The following MGST1 variants were observed in gnomAD, a reference collection of about 807,000 sequenced individuals.
MGST1 encodes glutathione S-transferase 12.
MGST1 carries 5 observed loss-of-function variants against 8.9 expected under a neutral mutation model. That is an observed-to-expected ratio of 0.56 (90% confidence interval 0.29 to 1.19). The LOEUF is 1.19. MGST1 is among the 50% of genes most tolerant of loss of function. The pLI is 0.08. For missense variants in MGST1, 182 were observed against 187.4 expected, an observed-to-expected ratio of 0.97 and a Z score of 0.17; for synonymous variants, 54 against 67.8, an observed-to-expected ratio of 0.80 and a Z score of 1.00.
At chr12:16,422,260 CATCT>C (rs1057370408) in intron 1 of MGST1, among the ~76,000 whole-genome samples, 13 of 152,210 alleles carry the variant, frequency 8.5e-5, no homozygotes, top group African/African-American at 3.1e-4. Flanking sequence ...TGAATCTATC[CATCT>C]ATCTATATAT....
intron 1 of MGST1, among the ~76,000 whole-genome samples, chr12:16,386,210 C>T (rs879505620): frequency 2.6e-5 from 4 of 152,264 alleles, no homozygotes; most frequent in South Asian, 2.1e-4. Context: ...TGGAGAAGAT[C>T]GGTGATTTCC....
intron 4 of MGST1, among the ~76,000 whole-genome samples, chr12:16,476,891 C>A (rs907995100): frequency 6.6e-6 from 1 of 152,102 alleles, no homozygotes; most frequent in African/African-American, 2.4e-5. Context: ...AAATAAAGTC[C>A]TTGGAAAGAG....
chr12:16,523,056 A>AAAACAATAGACCTGAAAC (rs1941658990), intron 4 of MGST1, among the ~76,000 whole-genome samples: 3 of 152,058 alleles, frequency 2.0e-5, no homozygotes, highest in Admixed American at 2.0e-4. Flanking sequence ...ACATATTTGC[A>AAAACAATAGACCTGAAAC]AATAGACCTG....
intron 4 of MGST1, among the ~76,000 whole-genome samples, chr12:16,509,442 A>C (rs1941561992): frequency 6.6e-6 from 1 of 152,224 alleles, no homozygotes; most frequent in Admixed American, 6.5e-5. Context: ...GCATAGTCTT[A>C]GACATTCAGC....
chr12:16,519,176 G>T (rs7305679), intron 4 of MGST1, among the ~76,000 whole-genome samples: 24,510 of 152,110 alleles, frequency 0.16, 2,123 homozygotes, highest in East Asian at 0.28. Flanking sequence ...CATCTGTAAA[G>T]CAGAACTGGT....
chr12:16,471,072 C>A (rs966178253), intron 4 of MGST1, among the ~76,000 whole-genome samples: 3 of 152,142 alleles, frequency 2.0e-5, no homozygotes, highest in Admixed American at 1.3e-4. Flanking sequence ...TGATACTTTT[C>A]CCTGCTGCAT....
chr12:16,525,604 A>G (rs1298894342), intron 4 of MGST1, among the ~76,000 whole-genome samples: 1 of 144,202 alleles, frequency 6.9e-6, no homozygotes, highest in Non-Finnish European at 1.5e-5. Context: ...CAATAAACAT[A>G]CGTGTGCATG....
intron 1 of MGST1, among the ~76,000 whole-genome samples, chr12:16,419,838 G>A (rs996647112): frequency 1.3e-5 from 2 of 152,058 alleles, no homozygotes; most frequent in African/African-American, 4.8e-5. Flanking sequence ...CAGAGAATCC[G>A]CCTAGCTGAT....
chr12:16,394,859 A>G (rs2033974993), intron 1 of MGST1, among the ~76,000 whole-genome samples: 1 of 152,092 alleles, frequency 6.6e-6, no homozygotes. Context: ...GGCCTCCCAC[A>G]GTGCTGGGAT....
chr12:16,388,019 A>G (rs1940520140), intron 1 of MGST1, among the ~76,000 whole-genome samples: 1 of 152,032 alleles, frequency 6.6e-6, no homozygotes, highest in Non-Finnish European at 1.5e-5. Flanking sequence ...ACACACCATG[A>G]TGTTTTCACA....
At chr12:16,461,361 C>T (rs1941220031) in intron 4 of MGST1, among the ~76,000 whole-genome samples, 1 of 152,078 alleles carries the variant, frequency 6.6e-6, no homozygotes, top group Non-Finnish European at 1.5e-5. Flanking sequence ...TACTTAACTT[C>T]TAGATCTTGT....
At position 16,364,280 on chromosome 12, in the gene MGST1, T is replaced by G; in HGVS notation, c.*239T>G. The G allele has an allele frequency of 8.4e-7, 1 of 1,186,128 alleles. No individual in the cohort carries two copies. Among genetic ancestry groups the G allele is most frequent in the Non-Finnish European group, 1.0e-6 (1 of 955,276 alleles). The allele number at this position is 1,186,128 out of a possible 1,614,324, so 73.5% of individuals were successfully genotyped here. A position where few individuals can be genotyped will look rare whatever the true frequency, so the allele number is the denominator to read the frequency against. ...GATTTTTAAAGTACTTTCTTATAAA[T>G]TTGGATCATGTTATGATTTGTAACA... On this transcript the variant is annotated 3_prime_UTR_variant, in exon 4 of 4. Coordinates refer to ENST00000396210, the MANE Select transcript of MGST1 (RefSeq NM_020300.5). The surrounding 1 kb of genome is among the most constrained non-coding windows in gnomAD (Gnocchi z 5.7).
Position 16,533,082 on chromosome 12 carries a change from G to A in MGST1, n.483-56446G>A, listed in dbSNP as rs1024846. Among the ~76,000 whole-genome samples the A allele has an allele frequency of 6.0e-3, 919 of 152,214 alleles. 7 individuals are homozygous for A. Among genetic ancestry groups the A allele is most frequent in the South Asian group, 0.021 (101 of 4,820 alleles). On this transcript the variant is annotated intron_variant and non_coding_transcript_variant, in intron 4 of 4. Transcript: ENST00000538857. The stretch of plus-strand genomic sequence containing the variant: ...CACTTTAAACCAAAGCTGTTGAGTT[G>A]AGCTGACTATACTTTCTTAACTAGT...
At chr12:16,519,204 C>T (rs1450821198) in intron 4 of MGST1, among the ~76,000 whole-genome samples, 1 of 152,146 alleles carries the variant, frequency 6.6e-6, no homozygotes, top group East Asian at 1.9e-4. Context: ...TCCAGAGCTG[C>T]CGTGAAGCAT....
At chr12:16,441,163 G>T (rs1374440383), downstream of MGST1, among the ~76,000 whole-genome samples, 94 of 151,580 alleles carry the variant, frequency 6.2e-4, 1 homozygote. Flanking sequence ...TTTCTTTCTT[G>T]TTTAAAATTT....
intron 1 of MGST1, among the ~76,000 whole-genome samples, chr12:16,422,523 G>A (rs1252235344): frequency 2.6e-5 from 4 of 152,154 alleles, no homozygotes; most frequent in Non-Finnish European, 5.9e-5. Flanking sequence ...GGAGTGAGAT[G>A]AGGTGCAATT....
intron 3 of MGST1, among the ~76,000 whole-genome samples, chr12:16,372,731 C>T (rs1309712157): frequency 6.6e-6 from 1 of 151,572 alleles, no homozygotes; most frequent in Non-Finnish European, 1.5e-5. Flanking sequence ...TGTACTCTCA[C>T]GTGTATTACA....
Position 16,546,762 on chromosome 12 carries a change from G to A in MGST1, n.483-42766G>A, listed in dbSNP as rs992979978. On this transcript the variant is annotated intron_variant and non_coding_transcript_variant, in intron 4 of 4. Transcript: ENST00000538857. This position sits in a 1 kb window ranked among gnomAD's most constrained non-coding sequence, Gnocchi z 4.7. ...AGATAGTTGGGAAAGTTTAGTTGGT[G>A]ACTTTTTATGTCAGGTTTGGTATTT... is the stretch of plus-strand genomic sequence containing the variant. Among the ~76,000 whole-genome samples, 1 of 151,996 alleles carries A rather than the reference G, an allele frequency of 6.6e-6. No individual in the cohort carries two copies. Among genetic ancestry groups the A allele is most frequent in the Non-Finnish European group, 1.5e-5 (1 of 67,984 alleles).
intron 4 of MGST1, among the ~76,000 whole-genome samples, chr12:16,447,363 T>C (rs1941088608): frequency 6.6e-6 from 1 of 151,942 alleles, no homozygotes; most frequent in African/African-American, 2.4e-5. Context: ...TTTGATATAA[T>C]TTAACCCAAA....
Sources: gnomAD v4.1 joint callset for allele counts (sites outside exome capture counted in the v4.1 genomes callset) on GRCh38, gnomAD v4.1.1 for gene constraint, Gnocchi (gnomAD v3.1) non-coding constraint, MANE v1.5 for transcripts, NCBI Gene and HGNC (gene_info 2026-07-23, HGNC 2026-07-21) for gene names.